LUZP2: variants seen among roughly 807,000 people sequenced by gnomAD.
The protein encoded by LUZP2 is leucine zipper protein 2.
LUZP2 carries 52 observed loss-of-function variants against 51.6 expected under a neutral mutation model. The ratio of observed to expected loss-of-function variants is 1.01; its 90% CI spans 0.81 to 1.27. LUZP2 has a LOEUF of 1.27. Among genes scored for constraint, LUZP2 ranks in the 50% most tolerant of loss-of-function variants. The pLI is 0.00. For missense variants in LUZP2, 436 were observed against 395.4 expected, an observed-to-expected ratio of 1.10 and a Z score of -0.87; for synonymous variants, 154 against 137.3, an observed-to-expected ratio of 1.12 and a Z score of -0.85.
chr11:24,891,283 T>C, intron 5 of LUZP2: 7 of 982,736 alleles, frequency 7.1e-6, no homozygotes, highest in Non-Finnish European at 8.5e-6. Flanking sequence ...GTCATAGCAA[T>C]TCTACTTCTC....
chr11:24,918,942 C>A (rs868594055), intron 7 of LUZP2, among the ~76,000 whole-genome samples: 5 of 7,484 alleles, frequency 6.7e-4, no homozygotes, highest in East Asian at 5.6e-3. Context: ...GTTATATATA[C>A]TATATATCCA....
chr11:24,743,373 G>A (rs1859256321), intron 4 of LUZP2, among the ~76,000 whole-genome samples: 1 of 152,070 alleles, frequency 6.6e-6, no homozygotes, highest in Non-Finnish European at 1.5e-5. Context: ...TTTCAGCAGT[G>A]TTTTGTAGTT....
chr11:24,523,794 T>C (rs991400594), intron 1 of LUZP2, among the ~76,000 whole-genome samples: 1 of 151,616 alleles, frequency 6.6e-6, no homozygotes, highest in Non-Finnish European at 1.5e-5. Flanking sequence ...TTAATTTTGA[T>C]CCCAACAAAA....
At chr11:24,830,013 G>A (rs917805079) in intron 5 of LUZP2, among the ~76,000 whole-genome samples, 4 of 152,032 alleles carry the variant, frequency 2.6e-5, no homozygotes, top group Non-Finnish European at 5.9e-5. Flanking sequence ...TAAAGACTTA[G>A]TGAAATAGTT....
chr11:24,863,004 C>G (rs1317318349), intron 5 of LUZP2, among the ~76,000 whole-genome samples: 1 of 152,042 alleles, frequency 6.6e-6, no homozygotes, highest in Admixed American at 6.6e-5. Flanking sequence ...CATTGAGAAA[C>G]CACTTTACAC....
At chr11:24,742,115 GGGTT>G (rs1403259243) in intron 4 of LUZP2, among the ~76,000 whole-genome samples, 1 of 143,064 alleles carries the variant, frequency 7.0e-6, no homozygotes, top group Admixed American at 7.1e-5. Context: ...ATGGGCATTT[GGGTT>G]GGTTCCACAA....
At position 24,739,466 on chromosome 11, in the gene LUZP2, C is replaced by T. The variant is rs143859084; in HGVS notation, c.333+1164C>T. Among the ~76,000 whole-genome samples, 124 of 152,150 alleles carry T rather than the reference C, an allele frequency of 8.1e-4. 1 individual carries two copies. Among genetic ancestry groups the T allele is most frequent in the African/African-American group, 2.9e-3 (121 of 41,526 alleles). On this transcript the variant is annotated intron_variant, in intron 4 of 11. Transcript: ENST00000336930. ...TCTCACCTCTGAGACGTTGGAGCAT[C>T]AATGAGAGAGTCCAGAACTAAGGCA...
chr11:25,078,390 A>C (rs1859378497), intron 11 of LUZP2, among the ~76,000 whole-genome samples, 164 bp from the exon 12 acceptor site: 1 of 152,204 alleles, frequency 6.6e-6, no homozygotes, highest in African/African-American at 2.4e-5. Flanking sequence ...ATGAAATATA[A>C]TTAACATCTT....
At chr11:24,862,341 C>A (rs1851765244) in intron 5 of LUZP2, among the ~76,000 whole-genome samples, 1 of 152,138 alleles carries the variant, frequency 6.6e-6, no homozygotes, top group Non-Finnish European at 1.5e-5. Flanking sequence ...CCCAGACAAG[C>A]AAGTGCTGAG....
At chr11:24,512,366 G>A (rs1196477583) in intron 1 of LUZP2, among the ~76,000 whole-genome samples, 1 of 152,076 alleles carries the variant, frequency 6.6e-6, no homozygotes, top group South Asian at 2.1e-4. Flanking sequence ...GCTCATAGAT[G>A]CCAAATAACT....
chr11:25,074,317 T>C (rs1859239957), intron 10 of LUZP2, among the ~76,000 whole-genome samples: 1 of 152,172 alleles, frequency 6.6e-6, no homozygotes, highest in Non-Finnish European at 1.5e-5. Context: ...GGTGCCTCTC[T>C]GAGACTCACT....
intron 1 of LUZP2, among the ~76,000 whole-genome samples, chr11:24,582,674 T>C (rs1852910467): frequency 6.6e-6 from 1 of 152,144 alleles, no homozygotes; most frequent in Non-Finnish European, 1.5e-5. Context: ...ATTATGTTTT[T>C]TCTATGAAAT....
chr11:24,785,464 TG>T (rs1849217573), intron 5 of LUZP2, among the ~76,000 whole-genome samples: 1 of 152,098 alleles, frequency 6.6e-6, no homozygotes, highest in Admixed American at 6.6e-5. Flanking sequence ...AATGTTTAAC[TG>T]AGTCATTTAA....
intron 7 of LUZP2, among the ~76,000 whole-genome samples, chr11:24,963,632 G>A (rs186795125): frequency 9.2e-5 from 14 of 152,268 alleles, no homozygotes; most frequent in East Asian, 1.9e-4. Flanking sequence ...CGCAGTATTC[G>A]GGTGGGAGTG....
intron 9 of LUZP2, among the ~76,000 whole-genome samples, chr11:25,018,273 T>C (rs1857222933): frequency 6.6e-6 from 1 of 152,140 alleles, no homozygotes; most frequent in African/African-American, 2.4e-5. Flanking sequence ...GACTTCCTCT[T>C]TTCCAATTTG....
chr11:24,717,445 G>T (rs1366957772), intron 1 of LUZP2, among the ~76,000 whole-genome samples: 5 of 130,802 alleles, frequency 3.8e-5, no homozygotes, highest in South Asian at 2.4e-4. Context: ...GTATTGCCTT[G>T]TCGCCCAGGT....
chr11:24,798,941 A>C (rs985752388), intron 5 of LUZP2, among the ~76,000 whole-genome samples: 1 of 152,100 alleles, frequency 6.6e-6, no homozygotes, highest in African/African-American at 2.4e-5. Context: ...CTTCCTTACT[A>C]TGTGTTCAAC....
chr11:24,946,761 G>A (rs1854912208), intron 7 of LUZP2, among the ~76,000 whole-genome samples: 1 of 151,598 alleles, frequency 6.6e-6, no homozygotes, highest in African/African-American at 2.4e-5. Flanking sequence ...TACAATTTCT[G>A]CTTCTCCTTA....
intron 1 of LUZP2, among the ~76,000 whole-genome samples, chr11:24,504,688 G>A (rs558997181): frequency 2.4e-4 from 37 of 152,008 alleles, no homozygotes; most frequent in African/African-American, 8.4e-4. Flanking sequence ...AACACCTCAA[G>A]CAATCAGCAT....
Sources: gnomAD v4.1 joint callset for allele counts (sites outside exome capture counted in the v4.1 genomes callset) on GRCh38, gnomAD v4.1.1 for gene constraint, MANE v1.5 for transcripts, NCBI Gene and HGNC (gene_info 2026-07-23, HGNC 2026-07-21) for gene names.